USP12: variants seen among roughly 807,000 people sequenced by gnomAD.
The protein encoded by USP12 is ubiquitin carboxyl-terminal hydrolase 12.
USP12 carries 19 observed loss-of-function variants against 45.5 expected under a neutral mutation model. The ratio of observed to expected loss-of-function variants is 0.42; its 90% CI spans 0.29 to 0.61. The LOEUF is 0.61. Among genes scored for constraint, USP12 ranks in the 20% least tolerant of loss-of-function variants. The pLI is 0.22. For synonymous variants in USP12, 149 were observed against 148.8 expected, an observed-to-expected ratio of 1.00 and a Z score of -0.01; for missense variants, 242 against 447.7, an observed-to-expected ratio of 0.54 and a Z score of 4.15.
At chr13:27,165,951 A>C (rs1205210467) in intron 1 of USP12, among the ~76,000 whole-genome samples, 3 of 152,082 alleles carry the variant, frequency 2.0e-5, no homozygotes, top group African/African-American at 7.2e-5. Context: ...TTTAAAAAAG[A>C]GCTCCTAAAA....
chr13:27,076,380 T>C (rs1221848437), intron 6 of USP12, among the ~76,000 whole-genome samples: 1 of 152,246 alleles, frequency 6.6e-6, no homozygotes, highest in East Asian at 1.9e-4. Context: ...AGAGTGCCTT[T>C]GTACTCCTAC....
At chr13:27,153,487 C>T (rs1877678268) in intron 1 of USP12, among the ~76,000 whole-genome samples, 1 of 152,010 alleles carries the variant, frequency 6.6e-6, no homozygotes, top group African/African-American at 2.4e-5. Context: ...ACAATAAACT[C>T]CAAAAATGGG....
chr13:27,112,372 A>AC (rs1232706712), intron 2 of USP12, among the ~76,000 whole-genome samples: 3 of 151,040 alleles, frequency 2.0e-5, no homozygotes, highest in African/African-American at 7.3e-5. Context: ...TGCAGCCTCA[A>AC]CCTCCTGGAC....
At chr13:27,090,953 CATAGTG>C (rs1259024274) in intron 4 of USP12, among the ~76,000 whole-genome samples, 1 of 152,130 alleles carries the variant, frequency 6.6e-6, no homozygotes, top group East Asian at 1.9e-4. Context: ...AGGTACTGTG[CATAGTG>C]TATTTTATAG....
intron 1 of USP12, among the ~76,000 whole-genome samples, chr13:27,166,350 G>A (rs1475469509): frequency 6.6e-6 from 1 of 152,134 alleles, no homozygotes; most frequent in East Asian, 1.9e-4. Flanking sequence ...TACTTCCTGA[G>A]ACAATAAAAG....
rs117829013 is a variant in USP12, at chr13:27,109,684, G to A, written c.130-3740C>T. 1.2e-3 allele frequency among the ~76,000 whole-genome samples: 180 copies of A among 152,124 alleles called. 4 individuals carry two copies. The East Asian group carries it at 0.028, about 24-fold the overall frequency. On this transcript the variant is annotated intron_variant, in intron 2 of 8. Transcript: ENST00000282344. ...TGTAATCCCAGCACTTTGGGAGGCC[G>A]AGGTGGGTGGATTAAGGTCAGGAGC... is the stretch of plus-strand genomic sequence containing the variant.
chr13:27,145,710 G>T (rs1877277687), intron 1 of USP12, among the ~76,000 whole-genome samples: 1 of 151,764 alleles, frequency 6.6e-6, no homozygotes, highest in South Asian at 2.1e-4. Context: ...TTATCTAGTT[G>T]TCCTAAAGTC....
intron 1 of USP12, among the ~76,000 whole-genome samples, chr13:27,140,074 A>G (rs1015992314): frequency 6.6e-6 from 1 of 152,254 alleles, no homozygotes; most frequent in Non-Finnish European, 1.5e-5. Context: ...ATGCAACATA[A>G]AAAGCTATTG....
At chr13:27,138,955 T>C (rs888711464) in intron 1 of USP12, among the ~76,000 whole-genome samples, 1 of 152,174 alleles carries the variant, frequency 6.6e-6, no homozygotes, top group Non-Finnish European at 1.5e-5. Context: ...TCCCAAGGTG[T>C]CACAGTTTCA....
At chr13:27,069,483 T>G in intron 8 of USP12, 99 bp from the exon 9 acceptor site, 1 of 922,794 alleles carries the variant, frequency 1.1e-6, no homozygotes, top group Non-Finnish European at 1.7e-6. Flanking sequence ...TTGGTGAAAA[T>G]GTGGGGAAAA....
At chr13:27,097,138 G>A (rs991854282) in intron 3 of USP12, among the ~76,000 whole-genome samples, 9 of 150,608 alleles carry the variant, frequency 6.0e-5, no homozygotes, top group African/African-American at 2.0e-4. Flanking sequence ...TAAAAAACAT[G>A]AGAAAATGTT....
intron 3 of USP12, among the ~76,000 whole-genome samples, chr13:27,103,607 A>AAAAAAAAAATAAT (rs372985958): frequency 7.8e-6 from 1 of 128,520 alleles, no homozygotes; most frequent in African/African-American, 2.9e-5. Context: ...TCAAAAAAAA[A>AAAAAAAAAATAAT]AATAATAATA....
rs371307157 is a variant in USP12, at chr13:27,116,506, G to A, written c.129+10C>T. The A allele has an allele frequency of 2.5e-6, 4 of 1,611,620 alleles. No individual in the cohort carries two copies. In the African/African-American group the frequency reaches 5.3e-5, roughly 22 times the overall value. On this transcript the variant is annotated intron_variant, in intron 2 of 8. Coordinates refer to ENST00000282344, the MANE Select transcript of USP12 (RefSeq NM_182488.4). ...AACATGATTCTAAAAGCGTATCAAT[G>A]GATACTTACATTGACTAATCCAAAA...
intron 1 of USP12, among the ~76,000 whole-genome samples, chr13:27,146,549 G>A (rs1877318221): frequency 6.6e-6 from 1 of 152,174 alleles, no homozygotes; most frequent in Non-Finnish European, 1.5e-5. Context: ...TAAGATTAAT[G>A]CAAAATTAAC....
intron 1 of USP12, among the ~76,000 whole-genome samples, chr13:27,158,567 C>G: frequency 6.6e-6 from 1 of 152,170 alleles, no homozygotes; most frequent in East Asian, 1.9e-4. Flanking sequence ...CCTCTTGCTC[C>G]TAGGCCACAA....
intron 1 of USP12, among the ~76,000 whole-genome samples, chr13:27,157,490 T>C (rs943543725): frequency 3.9e-5 from 6 of 152,174 alleles, no homozygotes; most frequent in African/African-American, 1.4e-4. Flanking sequence ...ATGAGTTCTG[T>C]AAGCTACAAA....
At chr13:27,077,826 T>C (rs1396595496) in intron 6 of USP12, 1 of 152,108 alleles carries the variant, frequency 6.6e-6, no homozygotes, top group Non-Finnish European at 1.5e-5. Flanking sequence ...CCAAAGAATT[T>C]ATAGGATTCT....
intron 1 of USP12, among the ~76,000 whole-genome samples, chr13:27,161,415 T>C (rs1878101862): frequency 6.6e-6 from 1 of 152,226 alleles, no homozygotes; most frequent in Non-Finnish European, 1.5e-5. Flanking sequence ...AAGTACTTTA[T>C]GACTTATTTT....
chr13:27,072,334 T>G (rs532907909), intron 7 of USP12, among the ~76,000 whole-genome samples: 41 of 152,248 alleles, frequency 2.7e-4, no homozygotes, highest in Middle Eastern at 3.4e-3. Flanking sequence ...TAAGGACTGG[T>G]AAATTGAAAA....
Sources: allele counts gnomAD v4.1 joint callset (sites outside exome capture counted in the v4.1 genomes callset), GRCh38; gene constraint gnomAD v4.1.1; transcripts MANE v1.5; gene names NCBI Gene and HGNC (gene_info 2026-07-23, HGNC 2026-07-21).